Variants in ZNF282 observed in about 807,000 individuals in gnomAD.
The protein encoded by ZNF282 is zinc finger protein 282, also known as HTLV-I U5 repressive element-binding protein 1.
In ZNF282, 30 loss-of-function variants were observed where a neutral mutation model predicts 61.9. That is an observed-to-expected ratio of 0.48 (90% confidence interval 0.36 to 0.66). The LOEUF (loss-of-function observed/expected upper bound fraction) is 0.66, where lower values mean the gene tolerates loss of function less well. ZNF282 is among the 30% of genes least tolerant of loss of function. The probability of loss-of-function intolerance (pLI) is 0.00; values close to 1 mark genes in which losing one functional copy is unlikely to be tolerated. For synonymous variants in ZNF282, 396 were observed against 405.0 expected, an observed-to-expected ratio of 0.98 and a Z score of 0.27; for missense variants, 788 against 941.4, an observed-to-expected ratio of 0.84 and a Z score of 2.13.
chr7:149,201,357 C>T (rs1474710982), intron 2 of ZNF282, among the ~76,000 whole-genome samples: 2 of 152,208 alleles, frequency 1.3e-5, no homozygotes. Flanking sequence ...TGGTGGGTCT[C>T]ATTGTCTTCA....
intron 7 of ZNF282, among the ~76,000 whole-genome samples, chr7:149,217,842 A>G (rs948533903): frequency 6.6e-6 from 1 of 152,078 alleles, no homozygotes; most frequent in African/African-American, 2.4e-5. Context: ...GAGGGAAGTG[A>G]AGGCAGGGCC....
In ZNF282 at chr7:149,224,166, G is replaced by T; in HGVS notation, c.1535G>T (p.Gly512Val). 1 of 1,582,782 alleles carries T rather than the reference G, an allele frequency of 6.3e-7. No homozygotes were observed. The highest frequency in any genetic ancestry group is 1.1e-5 in the South Asian group (1 of 87,958). ...GGLRRSLLLH[G>V]ARSKPYSCPE... ...CTGCGGCGGAGCCTCCTCCTGCACG[G>T]CGCCCGCAGCAAGCCCTACTCGTGC... The change falls in exon 8 of 8, where the codon GGC becomes GTC. Residue 512 changes from glycine (G) to valine (V), a missense_variant. Physicochemically the swap from Gly to Val is moderately radical, Grantham distance 109 (BLOSUM62 -3). Coordinates refer to ENST00000610704, the MANE Select transcript of ZNF282 (RefSeq NM_003575.4).
In ZNF282 at chr7:149,210,133, C is replaced by T. The variant is rs59623447; in HGVS notation, c.833-452C>T. On this transcript the variant is annotated intron_variant, in intron 4 of 7. Transcript: ENST00000610704. ...CCGCTTCTCACAAATCATATATATA[C>T]ACGTGTGTGTGCATCTGGCCTCAAC... Among the ~76,000 whole-genome samples the T allele has an allele frequency of 2.3e-3, 349 of 152,212 alleles. 2 individuals are homozygous for T. The highest frequency in any genetic ancestry group is 7.1e-3 in the African/African-American group (294 of 41,510).
chr7:149,220,924 T>TGTTTG (rs1554471500), intron 7 of ZNF282, among the ~76,000 whole-genome samples: 96 of 85,922 alleles, frequency 1.1e-3, no homozygotes, highest in Non-Finnish European at 1.5e-3. Flanking sequence ...AGGGTTTTTT[T>TGTTTG]TTTTTTTTTT....
Position 149,224,962 on chromosome 7 carries a change from C to T in ZNF282, c.*315C>T. The T allele has an allele frequency of 5.3e-6, 2 of 377,610 alleles. 1 individual carries two copies. 23.4% of individuals were successfully genotyped at this position (377,610 alleles called of 1,614,324 possible). ...GGCCACAGATGGTCATCAGGGGAAGCCACCAGGGAGTCCCGAAGCCCTTCT... is the reference window on the plus strand; with the variant it reads ...GGCCACAGATGGTCATCAGGGGAAGTCACCAGGGAGTCCCGAAGCCCTTCT... On this transcript the variant is annotated 3_prime_UTR_variant, in exon 8 of 8. Coordinates refer to ENST00000610704, the MANE Select transcript of ZNF282 (RefSeq NM_003575.4).
chr7:149,198,704 C>G lies in ZNF282; in HGVS notation c.537C>G (p.Asn179Lys). The change falls in exon 2 of 8, where the codon AAC becomes AAG. Residue 179 changes from asparagine to lysine, a missense_variant. By Grantham distance (94) the Asn-to-Lys change is moderately conservative (BLOSUM62 0). Transcript: ENST00000610704. The surrounding 1 kb of genome is among the most constrained non-coding windows in gnomAD (Gnocchi z 4.3). The stretch of plus-strand genomic sequence containing the variant: ...TGGAGAACTTGCTGCGCAACAGGAA[C>G]TTCTGGGTCCTGCGGCTGCCCCCGG... Reference protein sequence around the residue: ...ENLENLLRNRNFWVLRLPPGS... With the variant: ...ENLENLLRNRKFWVLRLPPGS... The G allele has an allele frequency of 6.2e-7, 1 of 1,613,938 alleles. No individual in the cohort carries two copies. Among genetic ancestry groups the G allele is most frequent in the Non-Finnish European group, 8.5e-7 (1 of 1,179,962 alleles).
intron 4 of ZNF282, 70 bp downstream of exon 4, chr7:149,207,540 G>C: frequency 1.3e-6 from 2 of 1,536,172 alleles, no homozygotes; most frequent in Non-Finnish European, 1.8e-6. Flanking sequence ...TCCGCACACT[G>C]CTGCCGCGAG....
chr7:149,206,351 T>C (rs1012806861), intron 2 of ZNF282, among the ~76,000 whole-genome samples: 10 of 152,308 alleles, frequency 6.6e-5, no homozygotes, highest in African/African-American at 2.4e-4. Flanking sequence ...GGCTCACGGA[T>C]ACCCACTCTG....
chr7:149,206,222 G>A (rs1307280929), intron 2 of ZNF282, among the ~76,000 whole-genome samples: 6 of 152,296 alleles, frequency 3.9e-5, no homozygotes, highest in South Asian at 2.1e-4. Flanking sequence ...AGTGGACCAA[G>A]GTCCTGAACC....
At chr7:149,206,425 C>T (rs1182923727) in intron 2 of ZNF282, among the ~76,000 whole-genome samples, 2 of 152,228 alleles carry the variant, frequency 1.3e-5, no homozygotes, top group Non-Finnish European at 2.9e-5. Flanking sequence ...TCTTTACCCT[C>T]AGGTATCCAG....
At chr7:149,199,465 C>G (rs1013124536) in intron 2 of ZNF282, among the ~76,000 whole-genome samples, 10 of 152,068 alleles carry the variant, frequency 6.6e-5, no homozygotes, top group African/African-American at 1.9e-4. Flanking sequence ...GCTCTCCCCC[C>G]TCTGCTGGGC....
Position 149,223,900 on chromosome 7 carries a change from G to A in ZNF282, c.1269G>A (p.Ser423=), listed in dbSNP as rs1362244561. 5 of 1,405,980 alleles carry A rather than the reference G, an allele frequency of 3.6e-6. No individual in the cohort carries two copies. The highest frequency in any genetic ancestry group is 1.5e-5 in the South Asian group (1 of 66,028). 87.1% of individuals were successfully genotyped at this position (1,405,980 alleles called of 1,614,324 possible). A position where few individuals can be genotyped will look rare whatever the true frequency, so the allele number is the denominator to read the frequency against. Residue 423 remains serine (S), a synonymous_variant, in exon 8 of 8, where the codon TCG becomes TCA. Coordinates refer to ENST00000610704, the MANE Select transcript of ZNF282 (RefSeq NM_003575.4). ...QPQPPQPQLQ[S]QPQPQSLPPI... The stretch of plus-strand genomic sequence containing the variant: ...AGCCACCGCAGCCGCAGCTGCAGTC[G>A]CAGCCCCAGCCCCAGAGCCTGCCCC...
intron 5 of ZNF282, among the ~76,000 whole-genome samples, chr7:149,211,101 T>C (rs1796077172): frequency 6.6e-6 from 1 of 152,168 alleles, no homozygotes; most frequent in South Asian, 2.1e-4. Flanking sequence ...TTTAAACAAG[T>C]ATTTATGGGC....
Position 149,224,104 on chromosome 7 carries a change from G to T in ZNF282, c.1473G>T (p.Gly491=). ...GGGGGAEAGT[G]AGGGCGSCCP... is the part of the protein sequence containing the mutation. Reference sequence around the variant, plus strand: ...GCGGCGGCGCGGAGGCGGGGACGGGGGCAGGCGGCGGCTGTGGCAGCTGCT... The same window carrying T: ...GCGGCGGCGCGGAGGCGGGGACGGGTGCAGGCGGCGGCTGTGGCAGCTGCT... The change falls in exon 8 of 8, where the codon GGG becomes GGT. Residue 491 remains glycine (G), a synonymous_variant. Transcript: ENST00000610704. 7.1e-7 allele frequency: 1 copy of T among 1,406,046 alleles called. No homozygotes were observed. The highest frequency in any genetic ancestry group is 9.2e-7 in the Non-Finnish European group (1 of 1,084,500). The allele number at this position is 1,406,046 out of a possible 1,614,324, so 87.1% of individuals were successfully genotyped here.
Position 149,198,715 on chromosome 7 carries a change from T to C in ZNF282, c.548T>C (p.Leu183Pro). 1 of 1,613,830 alleles carries C rather than the reference T, an allele frequency of 6.2e-7. No homozygotes were observed. Among genetic ancestry groups the C allele is most frequent in the Non-Finnish European group, 8.5e-7 (1 of 1,179,896 alleles). The part of the protein sequence containing the change: ...NLLRNRNFWV[L>P]RLPPGSKGEA... ...CTGCGCAACAGGAACTTCTGGGTCC[T>C]GCGGCTGCCCCCGGGCAGCAAGGGG... Residue 183 changes from leucine (L) to proline (P), a missense_variant, in exon 2 of 8, where the codon CTG becomes CCG. By Grantham distance (98) the Leu-to-Pro change is moderately conservative. Coordinates refer to ENST00000610704, the MANE Select transcript of ZNF282 (RefSeq NM_003575.4). This position sits in a 1 kb window ranked among gnomAD's most constrained non-coding sequence, Gnocchi z 4.3.
Position 149,224,878 on chromosome 7 carries a change from A to G in ZNF282, c.*231A>G. On this transcript the variant is annotated 3_prime_UTR_variant, in exon 8 of 8. Coordinates refer to ENST00000610704, the MANE Select transcript of ZNF282 (RefSeq NM_003575.4). ...CTGGGGAAGAGCCAGGGGGACCGCG[A>G]GGAGCCGAGCGTCCTCGGGCACCGC... The G allele has an allele frequency of 1.3e-6, 1 of 746,916 alleles. No individual in the cohort carries two copies. Among genetic ancestry groups the G allele is most frequent in the South Asian group, 2.2e-5 (1 of 45,602 alleles). The allele number at this position is 746,916 out of a possible 1,614,324, so 46.3% of individuals were successfully genotyped here. A position where few individuals can be genotyped will look rare whatever the true frequency, so the allele number is the denominator to read the frequency against.
chr7:149,214,307 T>C (rs1796130803), intron 7 of ZNF282, among the ~76,000 whole-genome samples: 1 of 152,168 alleles, frequency 6.6e-6, no homozygotes, highest in Admixed American at 6.5e-5. Flanking sequence ...AGGGCCTCCC[T>C]ACTCTAGTAT....
chr7:149,204,674 C>T (rs1372236591), intron 2 of ZNF282, among the ~76,000 whole-genome samples: 1 of 152,136 alleles, frequency 6.6e-6, no homozygotes, highest in Non-Finnish European at 1.5e-5. Flanking sequence ...ACTTAAAGGT[C>T]TGGGAGAATG....
intron 4 of ZNF282, 135 bp downstream of exon 4, chr7:149,207,605 G>A: frequency 8.9e-6 from 12 of 1,351,504 alleles, no homozygotes; most frequent in Non-Finnish European, 1.2e-5. Flanking sequence ...CCAGGGGCCA[G>A]TTCTGCCAGA....
Sources: gnomAD v4.1 joint callset for allele counts (sites outside exome capture counted in the v4.1 genomes callset) on GRCh38, gnomAD v4.1.1 for gene constraint, Gnocchi (gnomAD v3.1) non-coding constraint, MANE v1.5 for transcripts, NCBI Gene and HGNC (gene_info 2026-07-23, HGNC 2026-07-21) for gene names.